BTBD9: variants seen among roughly 807,000 people sequenced by gnomAD.
BTBD9 encodes the protein BTB domain containing 9, also known as BTB/POZ domain-containing protein 9.
A neutral mutation model predicts 64.3 loss-of-function variants in BTBD9; 49 were observed. The ratio of observed to expected loss-of-function variants is 0.76; its 90% CI spans 0.61 to 0.97. The LOEUF is 0.97. Among genes scored for constraint, BTBD9 ranks in the 50% least tolerant of loss-of-function variants. The probability of loss-of-function intolerance (pLI) is 0.00; values close to 1 mark genes in which losing one functional copy is unlikely to be tolerated. For missense variants in BTBD9, 598 were observed against 762.1 expected (o/e 0.78, Z 2.53); for synonymous variants, 260 against 274.7 (o/e 0.95, Z 0.53).
intron 6 of BTBD9, among the ~76,000 whole-genome samples, chr6:38,549,660 T>C (rs1375765256): frequency 6.6e-6 from 1 of 152,148 alleles, no homozygotes; most frequent in Non-Finnish European, 1.5e-5. Flanking sequence ...ACACCAGAAG[T>C]GACTGTGCAG....
intron 6 of BTBD9, among the ~76,000 whole-genome samples, chr6:38,485,523 CT>C (rs529952502): frequency 1.3e-3 from 202 of 152,326 alleles, no homozygotes; most frequent in Non-Finnish European, 2.4e-3. Flanking sequence ...CATTCATCTC[CT>C]TGTACAGCTC....
At position 38,403,357 on chromosome 6, in the gene BTBD9, T is replaced by A. The variant is rs139903906; in HGVS notation, c.1155-58264A>T. On this transcript the variant is annotated intron_variant, in intron 6 of 10. Transcript: ENST00000481247. ...TGTATATCTTAAAACTCAACAATTT[T>A]AAAAAATCCAATTAAACAATGGGCA... is the stretch of plus-strand genomic sequence containing the variant. Among the ~76,000 whole-genome samples, 24 of 152,190 alleles carry A rather than the reference T, an allele frequency of 1.6e-4. No individual in the cohort carries two copies. In the East Asian group the frequency reaches 4.2e-3, roughly 27 times the overall value.
intron 6 of BTBD9, among the ~76,000 whole-genome samples, chr6:38,398,655 G>A (rs148376391): frequency 2.6e-5 from 4 of 152,100 alleles, no homozygotes; most frequent in Non-Finnish European, 5.9e-5. Context: ...GTCCAGAAAA[G>A]AAGGAAACCC....
At chr6:38,457,573 A>T (rs1769876527) in intron 6 of BTBD9, among the ~76,000 whole-genome samples, 1 of 152,060 alleles carries the variant, frequency 6.6e-6, no homozygotes, top group Non-Finnish European at 1.5e-5. Flanking sequence ...TGGGATGGAG[A>T]ATAACTGATT....
rs1764006991 is a variant in BTBD9 at position 38,339,118 on chromosome 6, T to G, written c.1264+5866A>C. Among the ~76,000 whole-genome samples, 4 of 152,350 alleles carry G rather than the reference T, an allele frequency of 2.6e-5. No homozygotes were observed. In the South Asian group the frequency reaches 8.3e-4, roughly 32 times the overall value. ...TCATACAATCCCTTCTCTAGAAATC[T>G]ATCCCAAAGATATATTGGCAAAAAT... On this transcript the variant is annotated intron_variant, in intron 7 of 10. Coordinates refer to ENST00000481247, the MANE Select transcript of BTBD9 (RefSeq NM_001099272.2).
intron 6 of BTBD9, among the ~76,000 whole-genome samples, chr6:38,576,475 A>C (rs1315932514): frequency 6.6e-6 from 1 of 152,216 alleles, no homozygotes; most frequent in Non-Finnish European, 1.5e-5. Flanking sequence ...AACGTTCTTT[A>C]CTGTACCAGA....
intron 7 of BTBD9, among the ~76,000 whole-genome samples, chr6:38,298,804 C>T (rs1027370470): frequency 3.9e-5 from 6 of 151,946 alleles, no homozygotes; most frequent in African/African-American, 1.5e-4. Flanking sequence ...TTTCACTTAA[C>T]ATAATGACCT....
chr6:38,296,987 T>C (rs1467043629), intron 7 of BTBD9, among the ~76,000 whole-genome samples: 1 of 152,202 alleles, frequency 6.6e-6, no homozygotes, highest in Non-Finnish European at 1.5e-5. Context: ...GGGGGATGTA[T>C]GGTTCTATAT....
At chr6:38,591,791 T>C (rs1403570152) in intron 4 of BTBD9, among the ~76,000 whole-genome samples, 3 of 152,206 alleles carry the variant, frequency 2.0e-5, no homozygotes, top group Middle Eastern at 3.2e-3. Flanking sequence ...AATCCATTAA[T>C]AAGAAAAATC....
chr6:38,177,724 C>G (rs1338178216), intron 10 of BTBD9, among the ~76,000 whole-genome samples: 1 of 152,214 alleles, frequency 6.6e-6, no homozygotes, highest in Non-Finnish European at 1.5e-5. Flanking sequence ...TGTTTCTTCT[C>G]ATTTCCAGCT....
Position 38,170,151 on chromosome 6 carries a change from G to C in BTBD9, c.*4834C>G, listed in dbSNP as rs1229763232. 6.6e-6 allele frequency: 1 copy of C among 152,278 alleles called. No individual in the cohort carries two copies. Among genetic ancestry groups the C allele is most frequent in the Non-Finnish European group, 1.5e-5 (1 of 68,062 alleles). 9.4% of individuals were successfully genotyped at this position (152,278 alleles called of 1,614,324 possible). ...TCCGCGAGGTTGGAGCATTATGCCA[G>C]GAACAGGTGTTCCCTGTACACTTTT... On this transcript the variant is annotated 3_prime_UTR_variant, in exon 11 of 11. Coordinates refer to ENST00000481247, the MANE Select transcript of BTBD9 (RefSeq NM_001099272.2).
Position 38,184,180 on chromosome 6 carries a change from T to A in BTBD9, c.1641+8339A>T, listed in dbSNP as rs914962953. Among the ~76,000 whole-genome samples, 1 of 152,168 alleles carries A rather than the reference T, an allele frequency of 6.6e-6. No homozygotes were observed. The highest frequency in any genetic ancestry group is 1.5e-5 in the Non-Finnish European group (1 of 68,022). On this transcript the variant is annotated intron_variant, in intron 10 of 10. Coordinates refer to ENST00000481247, the MANE Select transcript of BTBD9 (RefSeq NM_001099272.2). This position sits in a 1 kb window ranked among gnomAD's most constrained non-coding sequence, Gnocchi z 4.4. ...GGACGCTCGTGGTATCCCGTTGGGT[T>A]CAGGATGAACAAGGCTGCGGTGACA...
At chr6:38,196,437 G>C (rs1762276013) in intron 9 of BTBD9, among the ~76,000 whole-genome samples, 1 of 152,196 alleles carries the variant, frequency 6.6e-6, no homozygotes, top group Non-Finnish European at 1.5e-5. Flanking sequence ...GTGAGATACA[G>C]TGTTCCTGGG....
At chr6:38,266,607 A>AAAGAAAGG (rs1351534205) in intron 8 of BTBD9, among the ~76,000 whole-genome samples, 12 of 4,642 alleles carry the variant, frequency 2.6e-3, no homozygotes, top group East Asian at 0.018. Context: ...GAAAGAAAGG[A>AAAGAAAGG]AAGAAAGAAA....
At chr6:38,258,286 T>C (rs1764671423) in intron 8 of BTBD9, among the ~76,000 whole-genome samples, 1 of 151,984 alleles carries the variant, frequency 6.6e-6, no homozygotes, top group Non-Finnish European at 1.5e-5. Context: ...GCGGCCGGCC[T>C]AAAAAATAAT....
chr6:38,256,095 T>C (rs1764569460), intron 9 of BTBD9, among the ~76,000 whole-genome samples: 1 of 150,338 alleles, frequency 6.7e-6, no homozygotes, highest in African/African-American at 2.5e-5. Flanking sequence ...TGGGGTATGG[T>C]GGGCATGGCG....
chr6:38,476,556 T>C (rs1455254434), intron 6 of BTBD9, among the ~76,000 whole-genome samples: 3 of 152,356 alleles, frequency 2.0e-5, no homozygotes, highest in Admixed American at 6.5e-5. Context: ...TCTGATACTG[T>C]CCAAATTCTG....
At chr6:38,179,417 G>A in intron 10 of BTBD9, 1 of 456,726 alleles carries the variant, frequency 2.2e-6, no homozygotes, top group Non-Finnish European at 4.4e-6. Context: ...CCCTGGAAGG[G>A]ACGGGGGCGG....
chr6:38,189,739 T>A (rs1761976119), intron 10 of BTBD9, among the ~76,000 whole-genome samples: 1 of 152,096 alleles, frequency 6.6e-6, no homozygotes, highest in South Asian at 2.1e-4. Flanking sequence ...AGTGGCACAA[T>A]CTTGGCTCAC....
Sources: gnomAD v4.1 joint callset for allele counts (sites outside exome capture counted in the v4.1 genomes callset) on GRCh38, gnomAD v4.1.1 for gene constraint, Gnocchi (gnomAD v3.1) non-coding constraint, MANE v1.5 for transcripts, NCBI Gene and HGNC (gene_info 2026-07-23, HGNC 2026-07-21) for gene names.